Variants in IQGAP2 observed in about 807,000 individuals in gnomAD.
The protein encoded by IQGAP2 is ras GTPase-activating-like protein IQGAP2.
IQGAP2 carries 173 observed loss-of-function variants against 201.3 expected under a neutral mutation model. That is an observed-to-expected ratio of 0.86 (90% CI 0.76 to 0.98). The LOEUF (loss-of-function observed/expected upper bound fraction) is 0.98, where lower values mean the gene tolerates loss of function less well. IQGAP2 is among the 50% of genes least tolerant of loss of function. The pLI is 0.00. For missense variants in IQGAP2, 1,687 were observed against 1,864.8 expected (o/e 0.90, Z 1.76); for synonymous variants, 675 against 673.9 (o/e 1.00, Z -0.03).
chr5:76,434,419 C>T (rs1752542393), intron 1 of IQGAP2, among the ~76,000 whole-genome samples: 1 of 152,258 alleles, frequency 6.6e-6, no homozygotes, highest in Non-Finnish European at 1.5e-5. Flanking sequence ...GCTTAGCTCC[C>T]AGTTATAAGT....
At chr5:76,598,597 T>G (rs1747203751) in intron 10 of IQGAP2, among the ~76,000 whole-genome samples, 1 of 152,184 alleles carries the variant, frequency 6.6e-6, no homozygotes, top group Non-Finnish European at 1.5e-5. Context: ...CCCAAACATC[T>G]CCTACACAGC....
intron 31 of IQGAP2, among the ~76,000 whole-genome samples, chr5:76,695,088 G>C (rs1746604203): frequency 6.6e-6 from 1 of 152,166 alleles, no homozygotes; most frequent in Non-Finnish European, 1.5e-5. Flanking sequence ...GGTTCTCATA[G>C]CCACATTTCA....
chr5:76,435,060 C>CT (rs60916124), intron 1 of IQGAP2, among the ~76,000 whole-genome samples: 3,434 of 127,990 alleles, frequency 0.027, 67 homozygotes, highest in African/African-American at 0.065. Flanking sequence ...TTTTTTTTTT[C>CT]TTTTTTTTTG....
chr5:76,697,145 T>G (rs990129055), intron 32 of IQGAP2, among the ~76,000 whole-genome samples: 1 of 152,248 alleles, frequency 6.6e-6, no homozygotes, highest in African/African-American at 2.4e-5. Context: ...CAACTTAATG[T>G]TCTAGGAATT....
intron 5 of IQGAP2, among the ~76,000 whole-genome samples, chr5:76,579,857 C>T (rs1745720281): frequency 1.3e-5 from 2 of 152,128 alleles, no homozygotes; most frequent in Non-Finnish European, 2.9e-5. Flanking sequence ...TCTGTCACCA[C>T]CTATGCTCCT....
At chr5:76,442,511 A>C (rs1454696269) in intron 1 of IQGAP2, among the ~76,000 whole-genome samples, 1 of 152,156 alleles carries the variant, frequency 6.6e-6, no homozygotes, top group Admixed American at 6.5e-5. Flanking sequence ...ACACGAAGTA[A>C]ACCAACAACA....
At chr5:76,652,906 A>G in intron 18 of IQGAP2, 73 bp downstream of exon 18, 2 of 1,002,212 alleles carry the variant, frequency 2.0e-6, no homozygotes, top group Non-Finnish European at 3.2e-6. Context: ...AATCTGAAAG[A>G]CAGCTATAGA....
chr5:76,593,955 G>T (rs1002041612), intron 9 of IQGAP2, among the ~76,000 whole-genome samples: 2 of 152,210 alleles, frequency 1.3e-5, no homozygotes, highest in African/African-American at 4.8e-5. Flanking sequence ...ATTAAGGAAA[G>T]CCCCAGAGGG....
At chr5:76,406,253 G>A (rs1471665006) in intron 1 of IQGAP2, among the ~76,000 whole-genome samples, 1 of 152,216 alleles carries the variant, frequency 6.6e-6, no homozygotes, top group Admixed American at 6.5e-5. Context: ...TCAGGTTTCT[G>A]ACAGATGCAA....
chr5:76,540,118 A>G (rs1417498083), intron 2 of IQGAP2, among the ~76,000 whole-genome samples: 3 of 152,186 alleles, frequency 2.0e-5, no homozygotes, highest in African/African-American at 4.8e-5. Context: ...ACTCTATGCC[A>G]GTGACTTAGA....
At chr5:76,507,934 G>A (rs1757701556) in intron 2 of IQGAP2, among the ~76,000 whole-genome samples, 2 of 150,954 alleles carry the variant, frequency 1.3e-5, no homozygotes, top group South Asian at 4.2e-4. Context: ...GCTCGAACCT[G>A]GGAGGTTGCA....
chr5:76,429,117 A>G (rs1752185134), intron 1 of IQGAP2, among the ~76,000 whole-genome samples: 1 of 152,004 alleles, frequency 6.6e-6, no homozygotes, highest in African/African-American at 2.4e-5. Flanking sequence ...GCTTTCCTAG[A>G]AAAACATCTG....
chr5:76,471,147 A>G (rs1755071923), intron 2 of IQGAP2, among the ~76,000 whole-genome samples: 1 of 152,206 alleles, frequency 6.6e-6, no homozygotes, highest in African/African-American at 2.4e-5. Context: ...AACCGGAGCT[A>G]TTGTGAAGGT....
intron 35 of IQGAP2, among the ~76,000 whole-genome samples, chr5:76,704,600 G>C (rs1399184507): frequency 1.3e-5 from 2 of 152,194 alleles, no homozygotes; most frequent in Non-Finnish European, 2.9e-5. Flanking sequence ...TACATCCTTA[G>C]CAGGGCTCAG....
At chr5:76,471,364 C>CAAAAAAAAAAAACAA (rs1755084204) in intron 2 of IQGAP2, among the ~76,000 whole-genome samples, 5 of 72,534 alleles carry the variant, frequency 6.9e-5, no homozygotes, top group Non-Finnish European at 8.4e-5. Flanking sequence ...ATAAACTAAG[C>CAAAAAAAAAAAACAA]AAAAAAAAAA....
chr5:76,546,183 C>A (rs1334189039), intron 2 of IQGAP2, among the ~76,000 whole-genome samples: 1 of 152,150 alleles, frequency 6.6e-6, no homozygotes. Context: ...CACCTGTAAT[C>A]CCAGCACTTT....
At chr5:76,613,855 C>T (rs572718132) in intron 13 of IQGAP2, among the ~76,000 whole-genome samples, 2 of 152,212 alleles carry the variant, frequency 1.3e-5, no homozygotes, top group African/African-American at 2.4e-5. Flanking sequence ...CCATCAAGCC[C>T]GGCTAATTTT....
At chr5:76,439,969 G>GT (rs1263009480) in intron 1 of IQGAP2, among the ~76,000 whole-genome samples, 6 of 152,140 alleles carry the variant, frequency 3.9e-5, no homozygotes, top group Non-Finnish European at 7.3e-5. Flanking sequence ...GCTTTCAAGA[G>GT]TTTTTATTCT....
chr5:76,576,914 A>G (rs1745508550), intron 5 of IQGAP2, among the ~76,000 whole-genome samples: 1 of 152,194 alleles, frequency 6.6e-6, no homozygotes, highest in Non-Finnish European at 1.5e-5. Context: ...TCATTATGCC[A>G]CAGGTTTTCT....
Sources: allele counts gnomAD v4.1 joint callset (sites outside exome capture counted in the v4.1 genomes callset), GRCh38; gene constraint gnomAD v4.1.1; transcripts MANE v1.5; gene names NCBI Gene and HGNC (gene_info 2026-07-23, HGNC 2026-07-21).